LIG4: variants seen among roughly 807,000 people sequenced by gnomAD.
LIG4 encodes the protein DNA joinase.
Under a neutral mutation model 19.0 loss-of-function variants are expected in LIG4, and 13 were observed. The ratio of observed to expected loss-of-function variants is 0.68; its 90% CI spans 0.44 to 1.09. LIG4 has a LOEUF of 1.09. Among genes scored for constraint, LIG4 ranks in the 50% least tolerant of loss-of-function variants. The pLI is 0.00. For synonymous variants in LIG4, 361 were observed against 358.2 expected, an observed-to-expected ratio of 1.01 and a Z score of -0.09; for missense variants, 1,026 against 1,089.7, an observed-to-expected ratio of 0.94 and a Z score of 0.82.
intron 2 of LIG4, among the ~76,000 whole-genome samples, chr13:108,211,608 A>C (rs1447386100): frequency 6.6e-6 from 1 of 152,236 alleles, no homozygotes; most frequent in Non-Finnish European, 1.5e-5. Flanking sequence ...TATTTAGCAC[A>C]TAATACAAAC....
chr13:108,210,536 C>T lies in LIG4; in HGVS notation c.733G>A (p.Ala245Thr), dbSNP rs771985152. The T allele has an allele frequency of 1.2e-6, 2 of 1,612,358 alleles. No homozygotes were observed. The highest frequency in any genetic ancestry group is 1.7e-6 in the Non-Finnish European group (2 of 1,179,884). The stretch of plus-strand genomic sequence containing the variant: ...ATAGCAGCTAGCATTGGTTTAAATG[C>T]AGAAAATAAAGTGATAGAAATATCA... ...LSDISITLFS[A>T]FKPMLAAIAD... is the part of the protein sequence containing the mutation. Residue 245 changes from alanine (A) to threonine (T), a missense_variant, in exon 3 of 3, where the codon GCA (alanine) becomes ACA (threonine). This residue lies in a region of LIG4 where 493 missense variants were observed against 544.5 expected (regional missense o/e 0.91). Coordinates refer to ENST00000442234, the MANE Select transcript of LIG4 (RefSeq NM_206937.2).
At chr13:108,212,935 G>A (rs1423804366) in intron 2 of LIG4, among the ~76,000 whole-genome samples, 6 of 151,954 alleles carry the variant, frequency 3.9e-5, no homozygotes, top group Non-Finnish European at 7.4e-5. Flanking sequence ...ACACACGCAC[G>A]CAGACACACA....
In LIG4 at chr13:108,209,066, A is replaced by G; in HGVS notation, c.2203T>C (p.Phe735Leu). 6.2e-7 allele frequency: 1 copy of G among 1,614,200 alleles called. No individual in the cohort carries two copies. The highest frequency in any genetic ancestry group is 8.5e-7 in the Non-Finnish European group (1 of 1,180,034). ...WLLECFKTKS[F>L]VPWQPRFMIH... Reference sequence around the variant, plus strand: ...ATAAAGCGAGGCTGCCATGGTACAAAGCTTTTGGTCTTAAAACATTCTAAA... The same window carrying G: ...ATAAAGCGAGGCTGCCATGGTACAAGGCTTTTGGTCTTAAAACATTCTAAA... The change falls in exon 3 of 3, where the codon TTT (phenylalanine) becomes CTT (leucine). Residue 735 changes from phenylalanine to leucine, a missense_variant. Around this residue, in one of 3 missense-constraint regions of LIG4, gnomAD observed 521 missense variants for 515.5 expected, o/e 1.01. Coordinates refer to ENST00000442234, the MANE Select transcript of LIG4 (RefSeq NM_206937.2).
At position 108,208,796 on chromosome 13, in the gene LIG4, C is replaced by CAGCAT. The variant is rs1878213876; in HGVS notation, c.2468_2472dup (p.Val825MetfsTer7). The CAGCAT allele has an allele frequency of 6.2e-7, 1 of 1,614,032 alleles. No homozygotes were observed. The highest frequency in any genetic ancestry group is 8.5e-7 in the Non-Finnish European group (1 of 1,180,016). ...TTTTTGGTACTCAGGTCATTAATAACAGCATACGAGTCCAAATAAACGGTG... is the reference window on the plus strand; with the variant it reads ...TTTTTGGTACTCAGGTCATTAATAACAGCATAGCATACGAGTCCAAATAAACGGTG... On this transcript the variant is annotated frameshift_variant, in exon 3 of 3. Transcript: ENST00000442234. LOFTEE classifies it high-confidence loss of function.
rs1452847341 is a variant in LIG4, at chr13:108,209,100, A to C, written c.2169T>G (p.Pro723=). 5.6e-6 allele frequency: 9 copies of C among 1,614,210 alleles called. No homozygotes were observed. Among genetic ancestry groups the C allele is most frequent in the Middle Eastern group, 1.6e-4 (1 of 6,062 alleles). ...ILSNKHDVVK[P]AWLLECFKTK... The stretch of plus-strand genomic sequence containing the variant: ...TCTTAAAACATTCTAAAAGCCATGC[A>C]GGCTTGACAACATCATGTTTATTTG... The change falls in exon 3 of 3, where the codon CCT becomes CCG. Residue 723 remains proline, a synonymous_variant. Transcript: ENST00000442234.
chr13:108,210,903 A>G lies in LIG4; in HGVS notation c.366T>C (p.Ala122=), dbSNP rs768212947. Residue 122 remains alanine (A), a synonymous_variant, in exon 3 of 3, where the codon GCT becomes GCC. Coordinates refer to ENST00000442234, the MANE Select transcript of LIG4 (RefSeq NM_206937.2). ...AATATGCAATCATTGCAAAGTCTCC[A>G]GCATCTCCATGAGTTCCAGTGGGTG... The part of the protein sequence containing the change: ...YRTPTGTHGD[A]GDFAMIAYFV... The G allele has an allele frequency of 1.2e-6, 2 of 1,614,054 alleles. No individual in the cohort carries two copies. The highest frequency in any genetic ancestry group is 1.7e-6 in the Non-Finnish European group (2 of 1,179,988).
upstream of LIG4, among the ~76,000 whole-genome samples, chr13:108,216,650 CAATTT>C (rs1412691441): frequency 6.6e-6 from 1 of 152,162 alleles, no homozygotes; most frequent in Non-Finnish European, 1.5e-5. Flanking sequence ...ATTTAGTTAT[CAATTT>C]ATTTTGGAGG....
intron 2 of LIG4, 126 bp from the exon 3 acceptor site, chr13:108,211,422 T>C (rs1484961788): frequency 1.5e-6 from 1 of 679,268 alleles, no homozygotes; most frequent in Non-Finnish European, 2.6e-6. Context: ...AAAAAAAAGA[T>C]CAATGCTCTA....
rs762799688 is a variant in LIG4 at position 108,210,936 on chromosome 13, G to A, written c.333C>T (p.Asn111=). 21 of 1,613,854 alleles carry A rather than the reference G, an allele frequency of 1.3e-5. No individual in the cohort carries two copies. The highest frequency in any genetic ancestry group is 1.7e-5 in the Non-Finnish European group (20 of 1,179,928). Residue 111 remains asparagine, a synonymous_variant, in exon 3 of 3, where the codon AAC becomes AAT. Transcript: ENST00000442234. ...RDGKDALKLL[N]YRTPTGTHGD... is the part of the protein sequence containing the mutation. ...CATGAGTTCCAGTGGGTGTTCTGTA[G>A]TTTAAAAGTTTGAGGGCATCTTTTC... is the stretch of plus-strand genomic sequence containing the variant.
At position 108,211,237 on chromosome 13, in the gene LIG4, G is replaced by C. The variant is rs778524098; in HGVS notation, c.32C>G (p.Ala11Gly). Residue 11 changes from alanine to glycine, a missense_variant, in exon 3 of 3, where the codon GCA (alanine) becomes GGA (glycine). Physicochemically the swap from Ala to Gly is moderately conservative, Grantham distance 60 (BLOSUM62 0). Transcript: ENST00000442234. The stretch of plus-strand genomic sequence containing the variant: ...CAAATCTGCAAAAGGAACGTGAGAT[G>C]CAACAGTTTGTGAAGTTTGTGAGGC... MAASQTSQTV[A>G]SHVPFADLCS... 25 of 1,612,738 alleles carry C rather than the reference G, an allele frequency of 1.6e-5. No homozygotes were observed. The Admixed American group carries it at 4.2e-4, about 27-fold the overall frequency.
chr13:108,209,534 G>A lies in LIG4; in HGVS notation c.1735C>T (p.Pro579Ser), dbSNP rs781278616. The A allele has an allele frequency of 2.5e-6, 4 of 1,614,092 alleles. No individual in the cohort carries two copies. The highest frequency in any genetic ancestry group is 1.7e-5 in the Admixed American group (1 of 59,998). The change falls in exon 3 of 3, where the codon CCA (proline) becomes TCA (serine). Residue 579 changes from proline to serine, a missense_variant. Pro to Ser is a moderately conservative substitution (Grantham distance 74, BLOSUM62 -1). Transcript: ENST00000442234. Reference sequence around the variant, plus strand: ...TCATCTCTTATCTTTTCAATTCGTGGAAAACGCAAGGTGCAGCCAGTTTTA... The same window carrying A: ...TCATCTCTTATCTTTTCAATTCGTGAAAAACGCAAGGTGCAGCCAGTTTTA... ...MYKTGCTLRFPRIEKIRDDKE... is the reference protein window; with the variant it reads ...MYKTGCTLRFSRIEKIRDDKE...
chr13:108,210,676 A>G lies in LIG4; in HGVS notation c.593T>C (p.Val198Ala). ...RMIIKDLKLG[V>A]SQQTIFSVFH... ...AACAGAAAAGATAGTTTGCTGACTA[A>G]CACCAAGCTTTAAATCCTTTATGAT... is the stretch of plus-strand genomic sequence containing the variant. Residue 198 changes from valine (V) to alanine (A), a missense_variant, in exon 3 of 3, where the codon GTT becomes GCT. This residue lies in a region of LIG4 where 493 missense variants were observed against 544.5 expected (regional missense o/e 0.91). Transcript: ENST00000442234. 2 of 1,613,878 alleles carry G rather than the reference A, an allele frequency of 1.2e-6. No homozygotes were observed. The highest frequency in any genetic ancestry group is 1.7e-6 in the Non-Finnish European group (2 of 1,179,946).
rs1443744886 is a variant in LIG4 at position 108,210,330 on chromosome 13, TG to T, written c.938del (p.Pro313HisfsTer20). 1.2e-6 allele frequency: 2 copies of T among 1,613,816 alleles called. No individual in the cohort carries two copies. Among genetic ancestry groups the T allele is most frequent in the African/African-American group, 2.7e-5 (2 of 74,926 alleles). ...GASPTEGSLT[P>X]FIHNAFKADI... ...CTGCTTTGAATGCATTATGAATGAA[TG>T]GGGTAAGAGAACCTTCAGTAGGAGA... On this transcript the variant is annotated frameshift_variant, in exon 3 of 3. Coordinates refer to ENST00000442234, the MANE Select transcript of LIG4 (RefSeq NM_206937.2). LOFTEE classifies it low-confidence loss of function (END_TRUNC).
chr13:108,210,201 C>A lies in LIG4; in HGVS notation c.1068G>T (p.Glu356Asp). The change falls in exon 3 of 3, where the codon GAG becomes GAT. Residue 356 changes from glutamate (E) to aspartate (D), a missense_variant. Glu to Asp is a conservative substitution (Grantham distance 45). Transcript: ENST00000442234. Reference protein sequence around the residue: ...GTKFDIKRMVEDSDLQTCYCV... With the variant: ...GTKFDIKRMVDDSDLQTCYCV... The stretch of plus-strand genomic sequence containing the variant: ...AATAACAAGTTTGCAGATCAGAATC[C>A]TCTACCATTCTTTTAATATCAAACT... The A allele has an allele frequency of 1.2e-6, 2 of 1,613,658 alleles. No individual in the cohort carries two copies. Among genetic ancestry groups the A allele is most frequent in the Non-Finnish European group, 1.7e-6 (2 of 1,179,782 alleles).
At position 108,209,929 on chromosome 13, in the gene LIG4, C is replaced by T; in HGVS notation, c.1340G>A (p.Trp447Ter). Residue 447 changes from tryptophan (W) to a stop codon, truncating the protein, a stop_gained, in exon 3 of 3, where the codon TGG (tryptophan) becomes TAG (stop). Transcript: ENST00000442234. LOFTEE classifies it low-confidence loss of function (END_TRUNC). ...GACATACTCTGGTTTAATTTTTAAC[C>T]ACCCTTCACCTCTTTTGTCTGGCTT... is the stretch of plus-strand genomic sequence containing the variant. ...IYKPDKRGEG[W>*]LKIKPEYVSG... 3 of 1,614,030 alleles carry T rather than the reference C, an allele frequency of 1.9e-6. No individual in the cohort carries two copies. Among genetic ancestry groups the T allele is most frequent in the Non-Finnish European group, 2.5e-6 (3 of 1,180,018 alleles).
chr13:108,210,462 G>A lies in LIG4; in HGVS notation c.807C>T (p.Tyr269=), dbSNP rs2232638. The A allele has an allele frequency of 5.6e-3, 8,982 of 1,613,170 alleles. 463 individuals are homozygous for A. In the African/African-American group the frequency reaches 0.11, roughly 19 times the overall value. ...IEKDMKHQSF[Y]IETKLDGERM... is the part of the protein sequence containing the mutation. ...GTTCACCATCTAGCTTGGTTTCTAT[G>A]TAGAAACTCTGATGTTTCATATCCT... Residue 269 remains tyrosine (Y), a synonymous_variant, in exon 3 of 3, where the codon TAC becomes TAT. Coordinates refer to ENST00000442234, the MANE Select transcript of LIG4 (RefSeq NM_206937.2).
upstream of LIG4, chr13:108,215,640 G>C (rs900247831): frequency 6.6e-5 from 10 of 150,964 alleles, no homozygotes; most frequent in Admixed American, 3.3e-4. Flanking sequence ...GATGGGAGGT[G>C]GGGGGGCCGG....
chr13:108,212,042 T>C (rs575163612), intron 2 of LIG4, among the ~76,000 whole-genome samples: 1 of 152,204 alleles, frequency 6.6e-6, no homozygotes, highest in African/African-American at 2.4e-5. Flanking sequence ...AAGTATAAAT[T>C]TATTAGTATG....
Position 108,207,990 on chromosome 13 carries a change from A to G in LIG4, c.*543T>C, listed in dbSNP as rs1878097394. ...ACCATCGACAGGGTTTTATTGTTACATTTGGCCTTAACCTTAAAAAACAAA... is the reference window on the plus strand; with the variant it reads ...ACCATCGACAGGGTTTTATTGTTACGTTTGGCCTTAACCTTAAAAAACAAA... On this transcript the variant is annotated 3_prime_UTR_variant, in exon 3 of 3. Coordinates refer to ENST00000442234, the MANE Select transcript of LIG4 (RefSeq NM_206937.2). 6.6e-6 allele frequency: 1 copy of G among 152,332 alleles called. No individual in the cohort carries two copies. The highest frequency in any genetic ancestry group is 2.1e-4 in the South Asian group (1 of 4,828). The allele number at this position is 152,332 out of a possible 1,614,324, so 9.4% of individuals were successfully genotyped here. A position where few individuals can be genotyped will look rare whatever the true frequency, so the allele number is the denominator to read the frequency against.
Sources: allele counts gnomAD v4.1 joint callset (sites outside exome capture counted in the v4.1 genomes callset), GRCh38; gene constraint gnomAD v4.1.1; regional missense constraint gnomAD v4.1.1; transcripts MANE v1.5; gene names NCBI Gene and HGNC (gene_info 2026-07-23, HGNC 2026-07-21).